MAPK4: variants seen among roughly 807,000 people sequenced by gnomAD.
MAPK4 encodes mitogen-activated protein kinase 4, also known as Erk3-related.
MAPK4 carries 22 observed loss-of-function variants against 47.7 expected under a neutral mutation model. The ratio of observed to expected loss-of-function variants is 0.46; its 90% CI spans 0.33 to 0.66. The LOEUF is 0.66. Ranked by LOEUF, MAPK4 falls within the 30% of genes least tolerant of loss-of-function variation. MAPK4 has a pLI of 0.02. For missense variants in MAPK4, 736 were observed against 831.7 expected, an observed-to-expected ratio of 0.88 and a Z score of 1.42; for synonymous variants, 390 against 365.7, an observed-to-expected ratio of 1.07 and a Z score of -0.76.
Position 50,630,702 on chromosome 18 carries a change from C to A in MAPK4, c.-870-32387C>A, listed in dbSNP as rs539390093. 1.2e-4 allele frequency among the ~76,000 whole-genome samples: 18 copies of A among 152,320 alleles called. No individual in the cohort carries two copies. In the East Asian group the frequency reaches 3.3e-3, roughly 28 times the overall value. The stretch of plus-strand genomic sequence containing the variant: ...GGTGCTTAGTGGTCTGCTGGGTAAA[C>A]AAATATTAGGATTAGCTCCTCATCC... On this transcript the variant is annotated intron_variant, in intron 1 of 5. Coordinates refer to ENST00000400384, the MANE Select transcript of MAPK4 (RefSeq NM_002747.4).
chr18:50,627,897 G>C (rs540217603), intron 1 of MAPK4, among the ~76,000 whole-genome samples: 1 of 152,306 alleles, frequency 6.6e-6, no homozygotes, highest in South Asian at 2.1e-4. Context: ...TGATGTCTTA[G>C]ATTCTCATGT....
intron 1 of MAPK4, among the ~76,000 whole-genome samples, chr18:50,643,387 G>A (rs919170502): frequency 1.3e-5 from 2 of 152,212 alleles, no homozygotes; most frequent in Non-Finnish European, 2.9e-5. Context: ...GCATGGTGGT[G>A]CACACTTGTA....
At chr18:50,595,002 G>A (rs1390581207) in intron 1 of MAPK4, among the ~76,000 whole-genome samples, 1 of 152,114 alleles carries the variant, frequency 6.6e-6, no homozygotes, top group Admixed American at 6.5e-5. Context: ...AACCACAATG[G>A]GATACTATTC....
chr18:50,638,584 G>A (rs1026023155), intron 1 of MAPK4, among the ~76,000 whole-genome samples: 8 of 152,218 alleles, frequency 5.3e-5, no homozygotes, highest in Non-Finnish European at 2.9e-5. Flanking sequence ...AGAGGTGAAC[G>A]ACCCAAGAGG....
rs1440388820 is a variant in MAPK4 at position 50,663,866 on chromosome 18, G to A, written c.-93G>A. The A allele has an allele frequency of 3.0e-5, 34 of 1,125,696 alleles. No individual in the cohort carries two copies. The highest frequency in any genetic ancestry group is 4.4e-4 in the Middle Eastern group (2 of 4,518). 69.7% of individuals were successfully genotyped at this position (1,125,696 alleles called of 1,614,324 possible). ...CATCCCTCAGCCGTGGGACTTGACA[G>A]AATGAGGTGCGCGAGGGAGGCCGCT... On this transcript the variant is annotated 5_prime_UTR_variant, in exon 2 of 6. Coordinates refer to ENST00000400384, the MANE Select transcript of MAPK4 (RefSeq NM_002747.4).
chr18:50,606,064 G>C (rs1442550383), intron 1 of MAPK4, among the ~76,000 whole-genome samples: 1 of 151,800 alleles, frequency 6.6e-6, no homozygotes, highest in Non-Finnish European at 1.5e-5. Flanking sequence ...GGAGGTGGCG[G>C]GGGCGGGGGT....
At chr18:50,580,757 A>G (rs529519440) in intron 1 of MAPK4, among the ~76,000 whole-genome samples, 1 of 152,300 alleles carries the variant, frequency 6.6e-6, no homozygotes, top group Admixed American at 6.5e-5. Flanking sequence ...AAACTGCCAT[A>G]TTCTCTAATA....
chr18:50,563,919 C>T (rs1211027810), intron 1 of MAPK4, among the ~76,000 whole-genome samples: 1 of 152,146 alleles, frequency 6.6e-6, no homozygotes, highest in Non-Finnish European at 1.5e-5. Context: ...GGGGTCTTTG[C>T]ACTTTAAGCC....
intron 1 of MAPK4, among the ~76,000 whole-genome samples, chr18:50,655,764 C>T (rs2144224383): frequency 1.3e-5 from 2 of 152,268 alleles, no homozygotes; most frequent in Middle Eastern, 3.4e-3. Flanking sequence ...TGGCCTCCTC[C>T]CTTGAACCCC....
In MAPK4 at chr18:50,664,358, C is replaced by A. The variant is rs1452931608; in HGVS notation, c.400C>A (p.Leu134Ile). 1 of 1,613,924 alleles carries A rather than the reference C, an allele frequency of 6.2e-7. No individual in the cohort carries two copies. The change falls in exon 2 of 6, where the codon CTC becomes ATC. Residue 134 changes from leucine (L) to isoleucine (I), a missense_variant. By Grantham distance (5) the Leu-to-Ile change is conservative. This residue lies in a region of MAPK4 where 327 missense variants were observed against 395.4 expected (regional missense o/e 0.83). Transcript: ENST00000400384. This position sits in a 1 kb window ranked among gnomAD's most constrained non-coding sequence, Gnocchi z 6.0. ...EHAKLFMYQL[L>I]RGLKYIHSAN... ...TGCCAAGCTGTTCATGTACCAGCTG[C>A]TCCGCGGGCTCAAGTACATCCACTC...
chr18:50,700,536 C>T (rs1244959888), intron 2 of MAPK4, among the ~76,000 whole-genome samples: 1 of 152,222 alleles, frequency 6.6e-6, no homozygotes, highest in African/African-American at 2.4e-5. Flanking sequence ...AACATCAGCA[C>T]TCTTCTGTGG....
chr18:50,560,036 G>T (rs1238189009), upstream of MAPK4: 1 of 148,256 alleles, frequency 6.7e-6, no homozygotes, highest in Admixed American at 6.7e-5. Flanking sequence ...GGCTCTGGGC[G>T]GAGCCGAGGC....
intron 3 of MAPK4, among the ~76,000 whole-genome samples, chr18:50,716,464 CACTT>C (rs1033986367): frequency 5.3e-5 from 8 of 152,202 alleles, no homozygotes; most frequent in Admixed American, 5.2e-4. Context: ...ATGCTGCTGT[CACTT>C]ACTCAAAGAA....
intron 1 of MAPK4, among the ~76,000 whole-genome samples, chr18:50,613,275 A>G (rs2042655896): frequency 6.6e-6 from 1 of 152,170 alleles, no homozygotes; most frequent in Admixed American, 6.5e-5. Flanking sequence ...GGCTTTGAAA[A>G]AGCACACAGC....
chr18:50,674,421 TGATCC>T (rs1308834222), intron 2 of MAPK4, among the ~76,000 whole-genome samples: 3 of 152,238 alleles, frequency 2.0e-5, no homozygotes, highest in Non-Finnish European at 4.4e-5. Context: ...ATTGCTGTGA[TGATCC>T]TGCCTTTTGT....
chr18:50,585,321 G>C (rs972765172), intron 1 of MAPK4, among the ~76,000 whole-genome samples: 2 of 152,092 alleles, frequency 1.3e-5, no homozygotes, highest in African/African-American at 4.8e-5. Context: ...TATGAATGTC[G>C]CTAATTTGCT....
chr18:50,662,017 G>A (rs1039632423), intron 1 of MAPK4, among the ~76,000 whole-genome samples: 2 of 152,208 alleles, frequency 1.3e-5, no homozygotes, highest in Admixed American at 1.3e-4. Context: ...CAGATCATCT[G>A]TGTCCCCTAA....
At chr18:50,628,193 T>A (rs2042798112) in intron 1 of MAPK4, among the ~76,000 whole-genome samples, 1 of 152,132 alleles carries the variant, frequency 6.6e-6, no homozygotes, top group Non-Finnish European at 1.5e-5. Flanking sequence ...ATAGTGAAAA[T>A]CTGCGAATTA....
chr18:50,729,978 A>G lies in MAPK4; in HGVS notation c.*124A>G. On this transcript the variant is annotated 3_prime_UTR_variant, in exon 6 of 6. Coordinates refer to ENST00000400384, the MANE Select transcript of MAPK4 (RefSeq NM_002747.4). ...TTGGGGTTGGCAGAACACGTGAAGG[A>G]TCCGAGGAGCGAGAGGAATGTCCAT... The G allele has an allele frequency of 1.0e-6, 1 of 982,532 alleles. No individual in the cohort carries two copies. Among genetic ancestry groups the G allele is most frequent in the Non-Finnish European group, 1.5e-6 (1 of 687,906 alleles). 60.9% of individuals were successfully genotyped at this position (982,532 alleles called of 1,614,324 possible).
Sources: gnomAD v4.1 joint callset for allele counts (sites outside exome capture counted in the v4.1 genomes callset) on GRCh38, gnomAD v4.1.1 for gene constraint, gnomAD v4.1.1 regional missense constraint, Gnocchi (gnomAD v3.1) non-coding constraint, MANE v1.5 for transcripts, NCBI Gene and HGNC (gene_info 2026-07-23, HGNC 2026-07-21) for gene names.